The following FRMD4A variants were observed in gnomAD, a reference collection of about 807,000 sequenced individuals.
FRMD4A encodes FERM domain-containing protein 4A.
A neutral mutation model predicts 129.1 loss-of-function variants in FRMD4A; 29 were observed. The observed-to-expected ratio is 0.22, with a 90% CI of 0.17 to 0.31. The LOEUF is 0.31. Among genes scored for constraint, FRMD4A ranks in the 10% least tolerant of loss-of-function variants. FRMD4A has a pLI of 1.00. For synonymous variants in FRMD4A, 634 were observed against 571.6 expected (o/e 1.11, Z -1.56); for missense variants, 1,272 against 1,375.8 (o/e 0.92, Z 1.19).
chr10:14,260,671 T>A (rs922268041), intron 2 of FRMD4A, among the ~76,000 whole-genome samples: 1 of 152,194 alleles, frequency 6.6e-6, no homozygotes, highest in African/African-American at 2.4e-5. Context: ...CTATCTCCCA[T>A]CAGTAGACGA....
intron 2 of FRMD4A, among the ~76,000 whole-genome samples, chr10:14,110,526 G>A (rs1484648016): frequency 1.3e-5 from 2 of 152,096 alleles, no homozygotes; most frequent in Non-Finnish European, 2.9e-5. Context: ...AAACATTCGG[G>A]ACAATGGAGG....
chr10:14,242,306 A>T (rs1844076817), intron 2 of FRMD4A, among the ~76,000 whole-genome samples: 1 of 152,196 alleles, frequency 6.6e-6, no homozygotes, highest in Admixed American at 6.5e-5. Flanking sequence ...ATGTTGTTAG[A>T]TCTATCTAGT....
intron 2 of FRMD4A, among the ~76,000 whole-genome samples, chr10:13,931,979 A>AACC (rs377655638): frequency 0.19 from 25,110 of 131,800 alleles, 2,261 homozygotes; most frequent in Admixed American, 0.28. Context: ...ACCAACCAAC[A>AACC]AACCAACCAA....
intron 3 of FRMD4A, among the ~76,000 whole-genome samples, chr10:13,853,374 C>T (rs1449459309): frequency 6.6e-6 from 1 of 152,154 alleles, no homozygotes; most frequent in African/African-American, 2.4e-5. Flanking sequence ...GAGGGAGACC[C>T]TGTCTCTCTA....
chr10:13,784,419 C>A (rs759939500), intron 5 of FRMD4A, among the ~76,000 whole-genome samples: 1 of 152,176 alleles, frequency 6.6e-6, no homozygotes, highest in African/African-American at 2.4e-5. Context: ...AAACAAGAGA[C>A]CAACATCGTA....
intron 2 of FRMD4A, among the ~76,000 whole-genome samples, chr10:13,980,375 C>T (rs980545000): frequency 1.3e-5 from 2 of 152,184 alleles, no homozygotes; most frequent in Non-Finnish European, 2.9e-5. Flanking sequence ...TTATTCTAGT[C>T]CATCACATTT....
At chr10:13,761,713 A>C in intron 7 of FRMD4A, 44 bp from the exon 8 acceptor site, 4 of 1,391,924 alleles carry the variant, frequency 2.9e-6, no homozygotes, top group Non-Finnish European at 4.1e-6. Flanking sequence ...CACTAAGCCA[A>C]TGTTAGAGAC....
chr10:14,268,016 C>T (rs771604487), intron 2 of FRMD4A, among the ~76,000 whole-genome samples: 7 of 152,094 alleles, frequency 4.6e-5, no homozygotes, highest in African/African-American at 7.2e-5. Flanking sequence ...TAAAATAATA[C>T]GCCACCTATT....
At chr10:14,308,596 T>G (rs1465408927) in intron 2 of FRMD4A, among the ~76,000 whole-genome samples, 1 of 152,212 alleles carries the variant, frequency 6.6e-6, no homozygotes, top group African/African-American at 2.4e-5. Flanking sequence ...CCCCTATACA[T>G]GTCTTTTTAT....
At chr10:14,131,897 C>T (rs1442774451) in intron 2 of FRMD4A, among the ~76,000 whole-genome samples, 1 of 152,180 alleles carries the variant, frequency 6.6e-6, no homozygotes, top group Non-Finnish European at 1.5e-5. Context: ...ACACCTGCAC[C>T]TCCATCGCCC....
chr10:13,782,579 G>T (rs898633949), intron 6 of FRMD4A, among the ~76,000 whole-genome samples: 1 of 151,888 alleles, frequency 6.6e-6, no homozygotes, highest in Non-Finnish European at 1.5e-5. Flanking sequence ...AAGTAGCTGG[G>T]ACTACAGGCA....
intron 2 of FRMD4A, among the ~76,000 whole-genome samples, chr10:14,279,918 C>T (rs879535079): frequency 4.6e-5 from 7 of 152,188 alleles, no homozygotes; most frequent in Non-Finnish European, 1.0e-4. Flanking sequence ...GCAGGTCCCA[C>T]GTTTTACAAA....
intron 2 of FRMD4A, among the ~76,000 whole-genome samples, chr10:13,926,319 T>A (rs754378847): frequency 5.3e-5 from 8 of 152,132 alleles, no homozygotes; most frequent in Non-Finnish European, 1.2e-4. Context: ...ATAGTTGAGA[T>A]TTTACTGTAG....
intron 2 of FRMD4A, among the ~76,000 whole-genome samples, chr10:14,270,212 C>A (rs1416939926): frequency 6.6e-6 from 1 of 152,186 alleles, no homozygotes; most frequent in Non-Finnish European, 1.5e-5. Context: ...GATTCTCCAG[C>A]CTGCAGACAG....
intron 2 of FRMD4A, among the ~76,000 whole-genome samples, chr10:13,987,616 C>T (rs150453041): frequency 3.3e-5 from 5 of 152,230 alleles, no homozygotes; most frequent in Admixed American, 1.3e-4. Flanking sequence ...TTACAACCTG[C>T]GGCCAACAGA....
intron 2 of FRMD4A, among the ~76,000 whole-genome samples, chr10:13,964,835 C>A (rs971789612): frequency 1.6e-4 from 24 of 152,132 alleles, no homozygotes; most frequent in Middle Eastern, 6.8e-3. Context: ...CCTACAGGTG[C>A]CCATCACAGC....
intron 2 of FRMD4A, among the ~76,000 whole-genome samples, chr10:14,162,405 G>A (rs974889383): frequency 2.0e-5 from 3 of 152,204 alleles, no homozygotes; most frequent in African/African-American, 7.2e-5. Context: ...AGGTCCTCTG[G>A]TACAAGTGTA....
intron 2 of FRMD4A, among the ~76,000 whole-genome samples, chr10:14,296,913 CCTTCCTT>C (rs1463695543): frequency 1.3e-5 from 2 of 152,174 alleles, no homozygotes; most frequent in African/African-American, 4.8e-5. Context: ...GTGCTCCAGT[CCTTCCTT>C]CTGTGCCAGG....
chr10:14,142,576 G>A (rs940204697), intron 2 of FRMD4A, among the ~76,000 whole-genome samples: 2 of 152,188 alleles, frequency 1.3e-5, no homozygotes, highest in African/African-American at 2.4e-5. Flanking sequence ...CAAAGCTAAC[G>A]TTTGAATCAC....
Sources: gnomAD v4.1 joint callset for allele counts (sites outside exome capture counted in the v4.1 genomes callset) on GRCh38, gnomAD v4.1.1 for gene constraint, MANE v1.5 for transcripts, NCBI Gene and HGNC (gene_info 2026-07-23, HGNC 2026-07-21) for gene names.